Variants in DGCR2 observed in about 807,000 individuals in gnomAD.
DGCR2 encodes the protein integral membrane protein DGCR2/IDD.
Under a neutral mutation model 51.6 loss-of-function variants are expected in DGCR2, and 24 were observed. The ratio of observed to expected loss-of-function variants is 0.47; its 90% CI spans 0.34 to 0.65. The LOEUF (loss-of-function observed/expected upper bound fraction) is 0.65. Among genes scored for constraint, DGCR2 ranks in the 30% least tolerant of loss-of-function variants. The pLI, the probability that DGCR2 is intolerant of heterozygous loss-of-function variation, is 0.01. For synonymous variants in DGCR2, 340 were observed against 315.4 expected (o/e 1.08, Z -0.82); for missense variants, 765 against 772.1 (o/e 0.99, Z 0.11).
intron 5 of DGCR2, chr22:19,060,834 C>T (rs767119940): frequency 4.7e-5 from 24 of 512,586 alleles, no homozygotes; most frequent in Non-Finnish European, 7.8e-5. Flanking sequence ...GCCTGGAGAG[C>T]GCTCCACCAA....
At chr22:19,076,723 C>CTG (rs1228247995) in intron 2 of DGCR2, among the ~76,000 whole-genome samples, 2 of 118,762 alleles carry the variant, frequency 1.7e-5, no homozygotes, top group African/African-American at 6.4e-5. Context: ...GTCCTTTGCA[C>CTG]ATTTTTTTTT....
At position 19,037,302 on chromosome 22, in the gene DGCR2, T is replaced by G. The variant is rs947125725; in HGVS notation, c.*1563A>C. The G allele has an allele frequency of 3.3e-5, 5 of 152,312 alleles. No individual in the cohort carries two copies. The highest frequency in any genetic ancestry group is 1.2e-4 in the African/African-American group (5 of 41,470). 9.4% of individuals were successfully genotyped at this position (152,312 alleles called of 1,614,324 possible). ...ACAGTTCTGGCACAAAGGTCAAGTC[T>G]GTCTGTGGGCAACTCAAGATTCTCA... On this transcript the variant is annotated 3_prime_UTR_variant, in exon 10 of 10. Coordinates refer to ENST00000263196, the MANE Select transcript of DGCR2 (RefSeq NM_005137.3).
At chr22:19,115,758 T>C (rs560286680) in intron 1 of DGCR2, among the ~76,000 whole-genome samples, 7 of 152,284 alleles carry the variant, frequency 4.6e-5, no homozygotes, top group Admixed American at 3.9e-4. Context: ...TCTCAGCAAG[T>C]CATACGCAGT....
rs35513614 is a variant in DGCR2, at chr22:19,087,678, C to CTTTTTTT, written c.202+1683_202+1689dup. ...ATAAGGCATGAGCCACTGCACCTGG[C>CTTTTTTT]TTTTTTTTTTTTTTTTTTGCCTTTG... On this transcript the variant is annotated intron_variant, in intron 2 of 9. Coordinates refer to ENST00000263196, the MANE Select transcript of DGCR2 (RefSeq NM_005137.3). Among the ~76,000 whole-genome samples, 2 of 120,280 alleles carry CTTTTTTT rather than the reference C, an allele frequency of 1.7e-5. 1 individual carries two copies. 78.9% of individuals were successfully genotyped at this position (120,280 alleles called of 152,430 possible). A position where few individuals can be genotyped will look rare whatever the true frequency, so the allele number is the denominator to read the frequency against.
chr22:19,108,229 C>T (rs943332085), intron 1 of DGCR2, among the ~76,000 whole-genome samples: 1 of 152,058 alleles, frequency 6.6e-6, no homozygotes, highest in African/African-American at 2.4e-5. Context: ...AATGATAAAT[C>T]AGACTTCTTT....
chr22:19,041,361 A>G (rs2082429843), intron 8 of DGCR2, 67 bp from the exon 9 acceptor site: 1 of 1,503,760 alleles, frequency 6.6e-7, no homozygotes. Context: ...CTGGCTCCTG[A>G]GCCCCCCACC....
At chr22:19,063,130 G>A (rs1035884551) in intron 5 of DGCR2, 72 bp downstream of exon 5, 8 of 1,418,110 alleles carry the variant, frequency 5.6e-6, no homozygotes, top group Non-Finnish European at 6.0e-6. Flanking sequence ...TGGGTAAGAG[G>A]GAGGAGGGGA....
chr22:19,104,066 C>A (rs2083235961), intron 1 of DGCR2, among the ~76,000 whole-genome samples: 1 of 152,100 alleles, frequency 6.6e-6, no homozygotes, highest in Non-Finnish European at 1.5e-5. Flanking sequence ...AAGCATACAT[C>A]CCATTAGCTG....
intron 2 of DGCR2, among the ~76,000 whole-genome samples, chr22:19,085,511 T>A (rs2083004958): frequency 6.6e-6 from 1 of 152,130 alleles, no homozygotes. Flanking sequence ...CCAAGACACA[T>A]GTCATAGGGC....
rs1381274942 is a variant in DGCR2 at position 19,038,765 on chromosome 22, G to C, written c.*100C>G. On this transcript the variant is annotated 3_prime_UTR_variant, in exon 10 of 10. Transcript: ENST00000263196. ...CGCCAGTGACGTGCGGCAGTGCGTG[G>C]CGTCCAGGCTGGGACAGGGGCCTTT... is the stretch of plus-strand genomic sequence containing the variant. 6 of 1,476,684 alleles carry C rather than the reference G, an allele frequency of 4.1e-6. No individual in the cohort carries two copies. Among genetic ancestry groups the C allele is most frequent in the Non-Finnish European group, 5.5e-6 (6 of 1,088,746 alleles). 91.5% of individuals were successfully genotyped at this position (1,476,684 alleles called of 1,614,324 possible).
intron 1 of DGCR2, among the ~76,000 whole-genome samples, chr22:19,109,815 G>A (rs1014798567): frequency 6.6e-6 from 1 of 152,144 alleles, no homozygotes; most frequent in Non-Finnish European, 1.5e-5. Context: ...CAGTGGAGCC[G>A]CCTAACCCTG....
chr22:19,055,413 T>C (rs1013912930), intron 6 of DGCR2, among the ~76,000 whole-genome samples: 13 of 152,286 alleles, frequency 8.5e-5, no homozygotes, highest in Admixed American at 1.3e-4. Context: ...CTGTAGAATA[T>C]TGATACATTA....
intron 6 of DGCR2, among the ~76,000 whole-genome samples, chr22:19,050,962 G>A (rs1402159945): frequency 6.6e-6 from 1 of 152,110 alleles, no homozygotes. Flanking sequence ...GCCGAGGTAG[G>A]TGGATCACCT....
rs555982435 is a variant in DGCR2, at chr22:19,082,685, G to C, written c.202+6683C>G. Among the ~76,000 whole-genome samples the C allele has an allele frequency of 3.3e-5, 5 of 152,198 alleles. No individual in the cohort carries two copies. In the South Asian group the frequency reaches 1.0e-3, roughly 32 times the overall value. On this transcript the variant is annotated intron_variant, in intron 2 of 9. Transcript: ENST00000263196. The stretch of plus-strand genomic sequence containing the variant: ...GAATCACTTGAACCCAGGAGGTGGA[G>C]GTTGCAGTGAGCTGAGATCGCACCA...
chr22:19,084,686 C>T, intron 2 of DGCR2, among the ~76,000 whole-genome samples: 1 of 110,842 alleles, frequency 9.0e-6, no homozygotes, highest in East Asian at 2.6e-4. Flanking sequence ...AGCCCCCGCC[C>T]GGCCAGCTGC....
At chr22:19,107,405 A>G (rs986498064) in intron 1 of DGCR2, among the ~76,000 whole-genome samples, 1 of 152,214 alleles carries the variant, frequency 6.6e-6, no homozygotes, top group Non-Finnish European at 1.5e-5. Flanking sequence ...GACAAGGCCT[A>G]TGCTTCAGCA....
At chr22:19,074,822 C>T (rs111909641) in intron 2 of DGCR2, among the ~76,000 whole-genome samples, 5,562 of 152,172 alleles carry the variant, frequency 0.037, 303 homozygotes, top group African/African-American at 0.13. Context: ...TTTTTTACAT[C>T]GGAGCTGCCG....
intron 1 of DGCR2, among the ~76,000 whole-genome samples, chr22:19,094,129 A>C (rs1322545121): frequency 1.3e-5 from 2 of 152,266 alleles, no homozygotes; most frequent in African/African-American, 4.8e-5. Flanking sequence ...AAGGAAATGC[A>C]AATTAAAGCA....
chr22:19,056,465 C>A, intron 6 of DGCR2: 1 of 547,976 alleles, frequency 1.8e-6, no homozygotes, highest in Admixed American at 3.4e-5. Context: ...AAGCCAGAAG[C>A]CTGTGATGGT....
Sources: gnomAD v4.1 joint callset for allele counts (sites outside exome capture counted in the v4.1 genomes callset) on GRCh38, gnomAD v4.1.1 for gene constraint, MANE v1.5 for transcripts, NCBI Gene and HGNC (gene_info 2026-07-23, HGNC 2026-07-21) for gene names.